Variants in MED24 observed in about 807,000 individuals in gnomAD.
The protein encoded by MED24 is mediator complex subunit 24.
A neutral mutation model predicts 118.8 loss-of-function variants in MED24; 74 were observed. That is an observed-to-expected ratio of 0.62 (90% confidence interval 0.52 to 0.76). The LOEUF is 0.76. Among genes scored for constraint, MED24 ranks in the 30% least tolerant of loss-of-function variants. The pLI, the probability that MED24 is intolerant of heterozygous loss-of-function variation, is 0.00. For missense variants in MED24, 1,041 were observed against 1,278.9 expected, an observed-to-expected ratio of 0.81 and a Z score of 2.84; for synonymous variants, 521 against 523.9, an observed-to-expected ratio of 0.99 and a Z score of 0.08.
At chr17:40,025,044 A>G (rs1982481787) in intron 19 of MED24, among the ~76,000 whole-genome samples, 1 of 152,112 alleles carries the variant, frequency 6.6e-6, no homozygotes, top group African/African-American at 2.4e-5. Flanking sequence ...CCCACAACAG[A>G]GTATTATTCA....
At chr17:40,027,525 G>T (rs960462126) in intron 15 of MED24, 60 bp from the exon 16 acceptor site, 1 of 1,513,470 alleles carries the variant, frequency 6.6e-7, no homozygotes. Context: ...CCGTGTCTGG[G>T]TTGACAGGGA....
chr17:40,047,594 G>A (rs372306872), intron 3 of MED24, among the ~76,000 whole-genome samples: 163 of 151,530 alleles, frequency 1.1e-3, no homozygotes, highest in African/African-American at 3.5e-3. Flanking sequence ...CCTGGGAGGC[G>A]GAGGTTGCAG....
chr17:40,035,970 T>C, intron 4 of MED24, 146 bp downstream of exon 4: 1 of 1,121,886 alleles, frequency 8.9e-7, no homozygotes. Context: ...CTTGCCAGGA[T>C]CCCCCTCCCA....
intron 1 of MED24, 119 bp from the exon 2 acceptor site, chr17:40,053,754 T>A (rs983548730): frequency 3.0e-6 from 4 of 1,344,616 alleles, no homozygotes; most frequent in Non-Finnish European, 4.1e-6. Flanking sequence ...ACAGAGGAAT[T>A]TGAAAGAAAA....
At chr17:40,049,386 TG>T (rs1234611579) in intron 3 of MED24, among the ~76,000 whole-genome samples, 2 of 152,184 alleles carry the variant, frequency 1.3e-5, no homozygotes, top group African/African-American at 4.8e-5. Flanking sequence ...ATTCAGGTCT[TG>T]GTTTAAACAT....
At position 40,027,482 on chromosome 17, in the gene MED24, A is replaced by C; in HGVS notation, c.1448-17T>G. On this transcript the variant is annotated splice_polypyrimidine_tract_variant and intron_variant, in intron 15 of 25. Transcript: ENST00000394128. ...CCGGTTTGGCTGTGGAAGGACGGGAAGGCTGAGCTCCCAGACGAGGGCAGG... is the reference window on the plus strand; with the variant it reads ...CCGGTTTGGCTGTGGAAGGACGGGACGGCTGAGCTCCCAGACGAGGGCAGG... The C allele has an allele frequency of 6.2e-7, 1 of 1,603,952 alleles. No homozygotes were observed.
At chr17:40,053,095 G>A (rs1298042973) in intron 3 of MED24, among the ~76,000 whole-genome samples, 1 of 151,712 alleles carries the variant, frequency 6.6e-6, no homozygotes, top group African/African-American at 2.4e-5. Flanking sequence ...ACCACGCAGG[G>A]GTAACTCTTT....
At chr17:40,022,353 G>A (rs759614226) in intron 22 of MED24, 41 bp downstream of exon 22, 64 of 1,555,302 alleles carry the variant, frequency 4.1e-5, no homozygotes, top group African/African-American at 8.1e-5. Context: ...GTAACAAACC[G>A]GTGAACAAGT....
intron 3 of MED24, among the ~76,000 whole-genome samples, chr17:40,048,348 C>A (rs181724980): frequency 4.6e-5 from 7 of 152,224 alleles, no homozygotes; most frequent in African/African-American, 1.7e-4. Flanking sequence ...TACCTTTTTG[C>A]TCTTTTTCTC....
At chr17:40,052,768 C>T (rs1227757511) in intron 3 of MED24, among the ~76,000 whole-genome samples, 1 of 151,894 alleles carries the variant, frequency 6.6e-6, no homozygotes, top group Non-Finnish European at 1.5e-5. Flanking sequence ...GCTACCACTC[C>T]CAGCAGAATA....
intron 3 of MED24, among the ~76,000 whole-genome samples, chr17:40,051,859 G>T (rs924984077): frequency 2.6e-5 from 4 of 152,156 alleles, no homozygotes; most frequent in Non-Finnish European, 5.9e-5. Context: ...GGAGGCAGAG[G>T]TTGCAGTGAG....
At chr17:40,035,964 C>A in intron 4 of MED24, 152 bp downstream of exon 4, 1 of 1,102,040 alleles carries the variant, frequency 9.1e-7, no homozygotes, top group Non-Finnish European at 1.3e-6. Context: ...CCCCTACTTG[C>A]CAGGATCCCC....
chr17:40,019,869 G>T lies in MED24; in HGVS notation c.2769C>A (p.Phe923Leu), dbSNP rs1056343446. 6.3e-7 allele frequency: 1 copy of T among 1,589,494 alleles called. No homozygotes were observed. Among genetic ancestry groups the T allele is most frequent in the Non-Finnish European group, 8.6e-7 (1 of 1,167,334 alleles). ...GSRTAGPHTQ[F>L]VQWFMEECVD... ...CACACTCCTCCATGAACCACTGCAC[G>T]AACTGGGTGTGGGGGCCAGCGGTGC... is the stretch of plus-strand genomic sequence containing the variant. Residue 923 changes from phenylalanine (F) to leucine (L), a missense_variant, in exon 25 of 26, where the codon TTC (phenylalanine) becomes TTA (leucine). By Grantham distance (22) the Phe-to-Leu change is conservative (BLOSUM62 0). Coordinates refer to ENST00000394128, the MANE Select transcript of MED24 (RefSeq NM_014815.4).
In MED24 at chr17:40,023,324, T is replaced by C. The variant is rs1982261759; in HGVS notation, c.2057A>G (p.Lys686Arg). The C allele has an allele frequency of 6.2e-7, 1 of 1,613,878 alleles. No homozygotes were observed. Among genetic ancestry groups the C allele is most frequent in the Non-Finnish European group, 8.5e-7 (1 of 1,179,898 alleles). Residue 686 changes from lysine to arginine, a missense_variant, in exon 20 of 26, where the codon AAG becomes AGG. This residue lies in a region of MED24 where 587 missense variants were observed against 694.4 expected (regional missense o/e 0.85). Transcript: ENST00000394128. Reference sequence around the variant, plus strand: ...TGTGTCCACCCCGGTGGAGGGAAACTTGATCTGCGTGGCTGTCTGCTGCAG... The same window carrying C: ...TGTGTCCACCCCGGTGGAGGGAAACCTGATCTGCGTGGCTGTCTGCTGCAG... ...DVLQQTATQI[K>R]FPSTGVDTMP...
Position 40,022,779 on chromosome 17 carries a change from C to T in MED24, c.2298G>A (p.Glu766=). Residue 766 remains glutamate (E), a synonymous_variant, in exon 21 of 26, where the codon GAG becomes GAA. Coordinates refer to ENST00000394128, the MANE Select transcript of MED24 (RefSeq NM_014815.4). The part of the protein sequence containing the change: ...TRKEHTLRAV[E]LLYSIFCLDM... ...CCAGGCAGAAGATGGAGTAGAGCAG[C>T]TCCACTGCCCGCAGCGTGTGCTCCT... 2 of 1,613,818 alleles carry T rather than the reference C, an allele frequency of 1.2e-6. No individual in the cohort carries two copies. The highest frequency in any genetic ancestry group is 1.1e-5 in the South Asian group (1 of 91,066).
chr17:40,023,662 A>G (rs1400755257), intron 19 of MED24: 2 of 416,182 alleles, frequency 4.8e-6, no homozygotes, highest in African/African-American at 4.1e-5. Flanking sequence ...CCAGCCAGAT[A>G]TTCACATTTT....
Position 40,031,170 on chromosome 17 carries a change from A to G in MED24, c.1143T>C (p.Leu381=). The change falls in exon 12 of 26, where the codon CTT becomes CTC. Residue 381 remains leucine (L), a synonymous_variant. Coordinates refer to ENST00000394128, the MANE Select transcript of MED24 (RefSeq NM_014815.4). Reference sequence around the variant, plus strand: ...GCGTTCACACTTACCGCTTAGCCATAAGGTTGTTGACGCTGGCCTCAGACA... The same window carrying G: ...GCGTTCACACTTACCGCTTAGCCATGAGGTTGTTGACGCTGGCCTCAGACA... ...GLLSEASVNN[L]MAKRKADREH... is the part of the protein sequence containing the mutation. The G allele has an allele frequency of 6.4e-7, 1 of 1,566,900 alleles. No individual in the cohort carries two copies. The highest frequency in any genetic ancestry group is 1.2e-5 in the South Asian group (1 of 85,072).
chr17:40,033,935 C>A lies in MED24; in HGVS notation c.560-479G>T, dbSNP rs1983668254. ...GCATTGCGTTTGCTGCCCTCCCCTGCTGAAGGCCTCTTACACACTCTCTCT... is the reference window on the plus strand; with the variant it reads ...GCATTGCGTTTGCTGCCCTCCCCTGATGAAGGCCTCTTACACACTCTCTCT... On this transcript the variant is annotated intron_variant, in intron 6 of 25. Transcript: ENST00000394128. This position sits in a 1 kb window ranked among gnomAD's most constrained non-coding sequence, Gnocchi z 5.2. 6.6e-6 allele frequency among the ~76,000 whole-genome samples: 1 copy of A among 152,066 alleles called. No individual in the cohort carries two copies. Among genetic ancestry groups the A allele is most frequent in the Non-Finnish European group, 1.5e-5 (1 of 68,014 alleles).
At position 40,035,231 on chromosome 17, in the gene MED24, C is replaced by T. The variant is rs575568703; in HGVS notation, c.445G>A (p.Gly149Ser). 18 of 1,613,880 alleles carry T rather than the reference C, an allele frequency of 1.1e-5. 1 individual carries two copies. The South Asian group carries it at 1.5e-4, about 14-fold the overall frequency. ...TGCTTCTCCCCAGCGGCTGGAGTGC[C>T]GGCCTCCAGCCCCTCCCGCAGCCGC... ...AERLREGLEA[G>S]TPAAGEKQLA... The change falls in exon 6 of 26, where the codon GGC (glycine) becomes AGC (serine). Residue 149 changes from glycine (G) to serine (S), a missense_variant. By Grantham distance (56) the Gly-to-Ser change is moderately conservative. Around this residue, in one of 3 missense-constraint regions of MED24, gnomAD observed 434 missense variants for 514.9 expected, o/e 0.84. Transcript: ENST00000394128.
Sources: gnomAD v4.1 joint callset for allele counts (sites outside exome capture counted in the v4.1 genomes callset) on GRCh38, gnomAD v4.1.1 for gene constraint, gnomAD v4.1.1 regional missense constraint, Gnocchi (gnomAD v3.1) non-coding constraint, MANE v1.5 for transcripts, NCBI Gene and HGNC (gene_info 2026-07-23, HGNC 2026-07-21) for gene names.